PCDHA5: variants seen among roughly 807,000 people sequenced by gnomAD.
The protein encoded by PCDHA5 is protocadherin alpha 5.
Under a neutral mutation model 61.6 loss-of-function variants are expected in PCDHA5, and 43 were observed. That is an observed-to-expected ratio of 0.70 (90% CI 0.55 to 0.90). The LOEUF (loss-of-function observed/expected upper bound fraction) is 0.90, where lower values mean the gene tolerates loss of function less well. Ranked by LOEUF, PCDHA5 falls within the 40% of genes least tolerant of loss-of-function variation. The probability of loss-of-function intolerance (pLI) is 0.00; values close to 1 mark genes in which losing one functional copy is unlikely to be tolerated. For missense variants in PCDHA5, 1,298 were observed against 1,222.7 expected (o/e 1.06, Z -0.92); for synonymous variants, 627 against 543.9 (o/e 1.15, Z -2.13).
intron 1 of PCDHA5, among the ~76,000 whole-genome samples, chr5:140,919,377 A>G (rs2079104195): frequency 1.3e-5 from 2 of 152,208 alleles, no homozygotes; most frequent in Non-Finnish European, 2.9e-5. Context: ...CAGACAACAC[A>G]TAGTTGGATG....
intron 2 of PCDHA5, among the ~76,000 whole-genome samples, chr5:140,980,982 C>G (rs1208541065): frequency 6.6e-6 from 1 of 151,990 alleles, no homozygotes; most frequent in East Asian, 1.9e-4. Flanking sequence ...ACTGAGCCCA[C>G]ACAATTTGCT....
intron 1 of PCDHA5, among the ~76,000 whole-genome samples, chr5:140,880,559 G>A (rs929072104): frequency 2.0e-5 from 3 of 152,224 alleles, no homozygotes; most frequent in Non-Finnish European, 4.4e-5. Context: ...TGGAAATGAG[G>A]TTGAGAATTT....
intron 1 of PCDHA5, among the ~76,000 whole-genome samples, chr5:140,923,228 C>A (rs2338302): frequency 1.4e-5 from 1 of 71,808 alleles, no homozygotes; most frequent in South Asian, 4.8e-4. Context: ...TCGTTTGAGC[C>A]CAGAAGTTTG....
intron 1 of PCDHA5, chr5:140,830,332 C>T (rs1483373702): frequency 6.2e-7 from 1 of 1,614,016 alleles, no homozygotes; most frequent in Non-Finnish European, 8.5e-7. Context: ...CAGTGGGGAG[C>T]TGGTCGTACT....
At chr5:140,939,521 T>C (rs540311861) in intron 1 of PCDHA5, among the ~76,000 whole-genome samples, 3 of 152,326 alleles carry the variant, frequency 2.0e-5, no homozygotes, top group Non-Finnish European at 2.9e-5. Flanking sequence ...TTAATAGTTA[T>C]AGAATTATAC....
chr5:140,851,018 A>G (rs1389465492), intron 1 of PCDHA5: 4 of 1,432,904 alleles, frequency 2.8e-6, no homozygotes, highest in South Asian at 1.7e-5. Context: ...TTTTTCTGAT[A>G]AAGTAAACCC....
chr5:140,838,334 G>A lies in PCDHA5; in HGVS notation c.2352+14207G>A, dbSNP rs2150288149. Among the ~76,000 whole-genome samples the A allele has an allele frequency of 6.8e-5, 10 of 146,222 alleles. 1 individual carries two copies. The South Asian group carries it at 1.1e-3, about 16-fold the overall frequency. On this transcript the variant is annotated intron_variant, in intron 1 of 3. Coordinates refer to ENST00000529859, the MANE Select transcript of PCDHA5 (RefSeq NM_018908.3). ...AAACAGAGTTTCACCATGTTGCCCCGGCTGGTCTCGAAATCTGGGACTCAA... is the reference window on the plus strand; with the variant it reads ...AAACAGAGTTTCACCATGTTGCCCCAGCTGGTCTCGAAATCTGGGACTCAA...
At chr5:140,843,387 C>T in intron 1 of PCDHA5, 1 of 1,596,066 alleles carries the variant, frequency 6.3e-7, no homozygotes, top group Non-Finnish European at 8.6e-7. Context: ...GTTTTGGGTC[C>T]GGAAGCGGCG....
chr5:140,968,124 G>A (rs202202452), intron 1 of PCDHA5: 59 of 1,614,008 alleles, frequency 3.7e-5, no homozygotes, highest in Non-Finnish European at 4.7e-5. Flanking sequence ...ACATCCCTGC[G>A]TACACTGAAG....
chr5:140,991,733 A>T (rs1360500460), intron 3 of PCDHA5, among the ~76,000 whole-genome samples: 1 of 152,136 alleles, frequency 6.6e-6, no homozygotes, highest in African/African-American at 2.4e-5. Flanking sequence ...TGTTCAAGGT[A>T]ATGTAGGCTC....
chr5:140,970,595 G>C (rs1554232604), intron 1 of PCDHA5, among the ~76,000 whole-genome samples: 1 of 152,098 alleles, frequency 6.6e-6, no homozygotes, highest in African/African-American at 2.4e-5. Context: ...TATGCTTTGT[G>C]ATACTTAAAA....
At chr5:140,876,140 C>G in intron 1 of PCDHA5, 1 of 1,613,944 alleles carries the variant, frequency 6.2e-7, no homozygotes, top group Non-Finnish European at 8.5e-7. Context: ...CCAGAACTAA[C>G]AGGGTCTGTC....
chr5:140,873,557 T>C (rs1347474996), intron 1 of PCDHA5, among the ~76,000 whole-genome samples: 1 of 150,760 alleles, frequency 6.6e-6, no homozygotes, highest in Non-Finnish European at 1.5e-5. Context: ...TTTCAATTTA[T>C]TTTCTAGTTT....
chr5:140,960,848 A>G (rs2095575135), intron 1 of PCDHA5, among the ~76,000 whole-genome samples: 1 of 152,212 alleles, frequency 6.6e-6, no homozygotes, highest in Non-Finnish European at 1.5e-5. Context: ...GTTTAATGGC[A>G]ACTATAAGCC....
intron 1 of PCDHA5, chr5:140,968,394 G>T: frequency 6.2e-7 from 1 of 1,613,940 alleles, no homozygotes; most frequent in Non-Finnish European, 8.5e-7. Context: ...GAGAAGTTTC[G>T]GGAGTTCTTT....
chr5:140,904,955 G>A (rs1272284537), intron 1 of PCDHA5, among the ~76,000 whole-genome samples: 1 of 152,120 alleles, frequency 6.6e-6, no homozygotes, highest in Non-Finnish European at 1.5e-5. Context: ...TTTGTCTGAT[G>A]CAGAATTTGT....
intron 1 of PCDHA5, among the ~76,000 whole-genome samples, chr5:140,942,962 A>G (rs2153660638): frequency 6.6e-6 from 1 of 152,216 alleles, no homozygotes; most frequent in South Asian, 2.1e-4. Flanking sequence ...CTGTTATCAG[A>G]ATTAAATTTT....
chr5:140,927,209 A>G, intron 1 of PCDHA5: 2 of 1,614,092 alleles, frequency 1.2e-6, no homozygotes, highest in Non-Finnish European at 1.7e-6. Context: ...GACCCGCTGG[A>G]GCTGCACAAG....
chr5:140,836,420 G>T, intron 1 of PCDHA5: 1 of 1,613,810 alleles, frequency 6.2e-7, no homozygotes. Flanking sequence ...CAAAGGCGTC[G>T]TCGCGGGCAT....
Sources: allele counts gnomAD v4.1 joint callset (sites outside exome capture counted in the v4.1 genomes callset), GRCh38; gene constraint gnomAD v4.1.1; transcripts MANE v1.5; gene names NCBI Gene and HGNC (gene_info 2026-07-23, HGNC 2026-07-21).